Variants in EXOC6B observed in about 807,000 individuals in gnomAD.
The protein encoded by EXOC6B is exocyst complex component 6B, also known as SEC15 homolog B.
Under a neutral mutation model 113.5 loss-of-function variants are expected in EXOC6B, and 54 were observed. The ratio of observed to expected loss-of-function variants is 0.48; its 90% confidence interval spans 0.38 to 0.60. The LOEUF (loss-of-function observed/expected upper bound fraction) is 0.60, where lower values mean the gene tolerates loss of function less well. Among genes scored for constraint, EXOC6B ranks in the 20% least tolerant of loss-of-function variants. The probability of loss-of-function intolerance (pLI) is 0.00; values close to 1 mark genes in which losing one functional copy is unlikely to be tolerated. For synonymous variants in EXOC6B, 357 were observed against 339.0 expected (o/e 1.05, Z -0.58); for missense variants, 797 against 977.5 (o/e 0.82, Z 2.46).
intron 20 of EXOC6B, among the ~76,000 whole-genome samples, chr2:72,282,083 A>G (rs1339295234): frequency 6.6e-6 from 1 of 152,130 alleles, no homozygotes; most frequent in Non-Finnish European, 1.5e-5. Flanking sequence ...CCCTGCCAAC[A>G]AAAAGACTTT....
chr2:72,427,234 C>G (rs1461511676), intron 18 of EXOC6B, among the ~76,000 whole-genome samples: 1 of 152,164 alleles, frequency 6.6e-6, no homozygotes, highest in Non-Finnish European at 1.5e-5. Context: ...GAGGGGTGGA[C>G]AGAGAGGGGC....
chr2:72,451,207 T>G (rs1696893014), intron 18 of EXOC6B, among the ~76,000 whole-genome samples: 1 of 152,190 alleles, frequency 6.6e-6, no homozygotes, highest in African/African-American at 2.4e-5. Flanking sequence ...TGCTCACAAC[T>G]AGGAAAAATA....
At chr2:72,232,504 T>C (rs1029241000) in intron 20 of EXOC6B, among the ~76,000 whole-genome samples, 3 of 152,144 alleles carry the variant, frequency 2.0e-5, no homozygotes, top group African/African-American at 7.2e-5. Flanking sequence ...TAGATAAAGA[T>C]AAAAATACCA....
chr2:72,514,601 AATAAATATAT>A (rs1378237863), intron 10 of EXOC6B, 23 bp downstream of exon 10: 12 of 85,410 alleles, frequency 1.4e-4, no homozygotes, highest in African/African-American at 2.9e-4. Flanking sequence ...TAAATAAATA[AATAAATATAT>A]ATATATATAT....
chr2:72,613,197 G>A lies in EXOC6B; in HGVS notation c.670-37529C>T, dbSNP rs530928034. On this transcript the variant is annotated intron_variant, in intron 6 of 21. Coordinates refer to ENST00000272427, the MANE Select transcript of EXOC6B (RefSeq NM_015189.3). Reference sequence around the variant, plus strand: ...GCATTTGCTGGGTGGAGTTCATTTGGAGTGAAAAAAGTAATAAAACAAGAT... The same window carrying A: ...GCATTTGCTGGGTGGAGTTCATTTGAAGTGAAAAAAGTAATAAAACAAGAT... 1.8e-3 allele frequency among the ~76,000 whole-genome samples: 274 copies of A among 152,130 alleles called. 1 individual carries two copies. Among genetic ancestry groups the A allele is most frequent in the African/African-American group, 6.4e-3 (265 of 41,506 alleles).
chr2:72,666,871 T>C (rs1573585569), intron 6 of EXOC6B, among the ~76,000 whole-genome samples: 1 of 145,776 alleles, frequency 6.9e-6, no homozygotes, highest in Admixed American at 6.7e-5. Flanking sequence ...AAGATTTTTC[T>C]TTTTTTTTCT....
intron 20 of EXOC6B, among the ~76,000 whole-genome samples, chr2:72,290,033 T>G (rs1685688386): frequency 6.6e-6 from 1 of 152,184 alleles, no homozygotes; most frequent in Non-Finnish European, 1.5e-5. Context: ...TTTATTTGCC[T>G]TTGGACTCGA....
At chr2:72,691,163 G>A (rs1677451994) in intron 6 of EXOC6B, among the ~76,000 whole-genome samples, 1 of 152,066 alleles carries the variant, frequency 6.6e-6, no homozygotes, top group African/African-American at 2.4e-5. Flanking sequence ...GGAAAATGCT[G>A]TGTGATGAAA....
chr2:72,811,547 C>A (rs368665169), intron 1 of EXOC6B, among the ~76,000 whole-genome samples: 2 of 152,096 alleles, frequency 1.3e-5, no homozygotes, highest in Admixed American at 6.5e-5. Context: ...AGGAGTGAGG[C>A]GCTACTTCTC....
At chr2:72,360,930 C>CAA (rs3063329) in intron 19 of EXOC6B, among the ~76,000 whole-genome samples, 29,608 of 90,790 alleles carry the variant, frequency 0.33, 5,627 homozygotes, top group African/African-American at 0.57. Context: ...GACTCCATCT[C>CAA]AAAAAAAAAA....
At chr2:72,408,141 A>T (rs1350642040) in intron 18 of EXOC6B, among the ~76,000 whole-genome samples, 5 of 152,212 alleles carry the variant, frequency 3.3e-5, no homozygotes, top group Admixed American at 2.0e-4. Flanking sequence ...TAAAATACCT[A>T]GGAATCCAAC....
intron 20 of EXOC6B, among the ~76,000 whole-genome samples, chr2:72,270,381 T>C (rs1001616199): frequency 6.6e-6 from 1 of 152,112 alleles, no homozygotes; most frequent in African/African-American, 2.4e-5. Context: ...AAAATATCTG[T>C]CCACTCCAAG....
chr2:72,781,199 T>A (rs965458753), intron 1 of EXOC6B, among the ~76,000 whole-genome samples: 1 of 152,214 alleles, frequency 6.6e-6, no homozygotes, highest in African/African-American at 2.4e-5. Context: ...AACATTTCTA[T>A]CCATTTTTTC....
intron 18 of EXOC6B, among the ~76,000 whole-genome samples, chr2:72,409,307 G>A (rs888621995): frequency 6.6e-6 from 1 of 152,166 alleles, no homozygotes; most frequent in Non-Finnish European, 1.5e-5. Flanking sequence ...CAGTCAGTGT[G>A]GCAATTCCTC....
intron 18 of EXOC6B, among the ~76,000 whole-genome samples, chr2:72,393,885 A>C (rs1692549409): frequency 6.6e-6 from 1 of 152,208 alleles, no homozygotes; most frequent in African/African-American, 2.4e-5. Context: ...GGCAAGGACT[A>C]ATAATAGTGT....
At chr2:72,754,179 G>T (rs1682246082) in intron 1 of EXOC6B, among the ~76,000 whole-genome samples, 1 of 151,876 alleles carries the variant, frequency 6.6e-6, no homozygotes, top group Admixed American at 6.6e-5. Context: ...GAGTCACCAT[G>T]CCCAGCTCAG....
intron 6 of EXOC6B, 73 bp from the exon 7 acceptor site, chr2:72,575,741 A>G: frequency 7.5e-7 from 1 of 1,339,756 alleles, no homozygotes; most frequent in Non-Finnish European, 9.9e-7. Flanking sequence ...AGAAAAAAAG[A>G]AAAGAAACAA....
Position 72,622,076 on chromosome 2 carries a change from T to G in EXOC6B, c.670-46408A>C, listed in dbSNP as rs372306796. 1.8e-3 allele frequency among the ~76,000 whole-genome samples: 268 copies of G among 151,956 alleles called. 1 individual carries two copies. Among genetic ancestry groups the G allele is most frequent in the South Asian group, 3.9e-3 (19 of 4,830 alleles). On this transcript the variant is annotated intron_variant, in intron 6 of 21. Coordinates refer to ENST00000272427, the MANE Select transcript of EXOC6B (RefSeq NM_015189.3). ...AAGAAAGAAAAAAATTATATTGGTATAGAAAAAAGTTTATAAGAATATATG... is the reference window on the plus strand; with the variant it reads ...AAGAAAGAAAAAAATTATATTGGTAGAGAAAAAAGTTTATAAGAATATATG...
chr2:72,181,606 C>T (rs1678097141), intron 21 of EXOC6B, among the ~76,000 whole-genome samples: 1 of 152,178 alleles, frequency 6.6e-6, no homozygotes, highest in South Asian at 2.1e-4. Context: ...TAATATCCTA[C>T]ATTATCATTA....
Sources: gnomAD v4.1 joint callset for allele counts (sites outside exome capture counted in the v4.1 genomes callset) on GRCh38, gnomAD v4.1.1 for gene constraint, MANE v1.5 for transcripts, NCBI Gene and HGNC (gene_info 2026-07-23, HGNC 2026-07-21) for gene names.